Variants in ANKRD2 observed in about 807,000 individuals in gnomAD.
ANKRD2 encodes the protein ankyrin repeat domain-containing protein 2.
Under a neutral mutation model 37.3 loss-of-function variants are expected in ANKRD2, and 35 were observed. The observed-to-expected ratio is 0.94, with a 90% confidence interval of 0.72 to 1.24. ANKRD2 has a LOEUF of 1.24. Among genes scored for constraint, ANKRD2 ranks in the 50% most tolerant of loss-of-function variants. The pLI, the probability that ANKRD2 is intolerant of heterozygous loss-of-function variation, is 0.00. For synonymous variants in ANKRD2, 159 were observed against 186.5 expected (o/e 0.85, Z 1.20); for missense variants, 410 against 445.6 (o/e 0.92, Z 0.72).
chr10:97,581,432 A>T lies in ANKRD2; in HGVS notation c.654+18A>T. ...GGGATAAGGTGAGGCAAAAACACTC[A>T]GAAGCAACAGATATTGGGGTGGCTG... On this transcript the variant is annotated intron_variant, in intron 6 of 8. Transcript: ENST00000370655. The T allele has an allele frequency of 6.2e-7, 1 of 1,612,790 alleles. No individual in the cohort carries two copies. Among genetic ancestry groups the T allele is most frequent in the Non-Finnish European group, 8.5e-7 (1 of 1,178,888 alleles).
At chr10:97,583,129 G>T (rs2040924221) in intron 8 of ANKRD2, among the ~76,000 whole-genome samples, 1 of 152,168 alleles carries the variant, frequency 6.6e-6, no homozygotes, top group African/African-American at 2.4e-5. Flanking sequence ...GGAAGGGGAA[G>T]GTGCCCAGGG....
intron 4 of ANKRD2, among the ~76,000 whole-genome samples, chr10:97,579,083 G>A (rs2040865004): frequency 6.6e-6 from 1 of 152,102 alleles, no homozygotes; most frequent in Non-Finnish European, 1.5e-5. Flanking sequence ...TTAGGTCAAG[G>A]TGGGAGGAGC....
chr10:97,579,640 T>G (rs969543932), intron 4 of ANKRD2, among the ~76,000 whole-genome samples: 1 of 151,874 alleles, frequency 6.6e-6, no homozygotes, highest in Non-Finnish European at 1.5e-5. Flanking sequence ...CAGGCTGGAG[T>G]GCAGCGGTGC....
chr10:97,583,349 C>T (rs1564752554), intron 8 of ANKRD2, among the ~76,000 whole-genome samples: 1 of 152,112 alleles, frequency 6.6e-6, no homozygotes, highest in Non-Finnish European at 1.5e-5. Flanking sequence ...TGTAGGGGAC[C>T]ATCCTATGCC....
intron 4 of ANKRD2, among the ~76,000 whole-genome samples, chr10:97,580,318 GT>G (rs535989522): frequency 2.3e-3 from 354 of 152,300 alleles, no homozygotes; most frequent in Middle Eastern, 0.02. Context: ...TGGCTTGAGC[GT>G]TTCAAAAGTC....
chr10:97,582,150 G>A (rs2040905863), intron 6 of ANKRD2, among the ~76,000 whole-genome samples, 165 bp from the exon 7 acceptor site: 1 of 152,196 alleles, frequency 6.6e-6, no homozygotes, highest in Non-Finnish European at 1.5e-5. Flanking sequence ...TAGGCCATTG[G>A]ATAGGATGGT....
chr10:97,583,441 T>C, intron 8 of ANKRD2, 135 bp from the exon 9 acceptor site: 1 of 869,504 alleles, frequency 1.2e-6, no homozygotes, highest in South Asian at 1.8e-5. Context: ...CAACCAAAAG[T>C]ATCTTCACAC....
At chr10:97,580,704 G>A in intron 4 of ANKRD2, 151 bp from the exon 5 acceptor site, 1 of 629,344 alleles carries the variant, frequency 1.6e-6, no homozygotes, top group Non-Finnish European at 2.8e-6. Flanking sequence ...TCTGGATAGA[G>A]CATAAGGGAG....
rs749236620 is a variant in ANKRD2 at position 97,583,741 on chromosome 10, C to A, written c.*16C>A. The A allele has an allele frequency of 4.7e-6, 7 of 1,496,508 alleles. No homozygotes were observed. The Admixed American group carries it at 1.1e-4, about 24-fold the overall frequency. 92.7% of individuals were successfully genotyped at this position (1,496,508 alleles called of 1,614,324 possible). A position where few individuals can be genotyped will look rare whatever the true frequency, so the allele number is the denominator to read the frequency against. On this transcript the variant is annotated 3_prime_UTR_variant, in exon 9 of 9. Transcript: ENST00000370655. ...AGCCCAGTGAATGCGTGCCCCAGCC[C>A]AGCCAGCTACCCAGCCCCTCTCTGT...
chr10:97,572,621 TGGC>T (rs17107819), upstream of ANKRD2: 34,564 of 1,472,248 alleles, frequency 0.023, 3,518 homozygotes, highest in African/African-American at 0.3. Flanking sequence ...CTCTGCTCCC[TGGC>T]CCTGGCTCCC....
chr10:97,579,140 C>G (rs1330935501), intron 4 of ANKRD2, among the ~76,000 whole-genome samples: 2 of 151,908 alleles, frequency 1.3e-5, no homozygotes, highest in East Asian at 3.8e-4. Context: ...AGAGTGAGAC[C>G]CTGTCTCTAT....
chr10:97,577,643 C>G (rs967083158), intron 1 of ANKRD2, among the ~76,000 whole-genome samples, 157 bp from the exon 2 acceptor site: 1 of 152,152 alleles, frequency 6.6e-6, no homozygotes, highest in Non-Finnish European at 1.5e-5. Context: ...GGGGGCCCCT[C>G]CAGGGGCCCT....
In ANKRD2 at chr10:97,580,848, G is replaced by C. The variant is rs374024705; in HGVS notation, c.457-7G>C. The C allele has an allele frequency of 5.6e-6, 9 of 1,607,950 alleles. No individual in the cohort carries two copies. In the South Asian group the frequency reaches 8.9e-5, roughly 16 times the overall value. ...AGGCCAGGCCCTGACAGCCTCTCTG[G>C]GGACAGTTCCGTCGGACAGCACTGC... is the stretch of plus-strand genomic sequence containing the variant. On this transcript the variant is annotated splice_region_variant and splice_polypyrimidine_tract_variant and intron_variant, in intron 4 of 8. Coordinates refer to ENST00000370655, the MANE Select transcript of ANKRD2 (RefSeq NM_001346793.2).
chr10:97,580,133 C>G (rs914384898), intron 4 of ANKRD2, among the ~76,000 whole-genome samples: 1 of 152,078 alleles, frequency 6.6e-6, no homozygotes, highest in East Asian at 1.9e-4. Context: ...CTCCTACTTC[C>G]GAGCACCATG....
intron 4 of ANKRD2, among the ~76,000 whole-genome samples, chr10:97,579,167 A>G (rs889634558): frequency 6.6e-6 from 1 of 151,670 alleles, no homozygotes; most frequent in African/African-American, 2.4e-5. Flanking sequence ...ATAGATAAAG[A>G]TATAGATTTT....
intron 1 of ANKRD2, among the ~76,000 whole-genome samples, chr10:97,574,393 G>A (rs2040798168): frequency 6.6e-6 from 1 of 152,168 alleles, no homozygotes; most frequent in Admixed American, 6.5e-5. Flanking sequence ...CTCAGGAAAT[G>A]CAGGAGCTGA....
At chr10:97,578,161 C>CCCCA in intron 2 of ANKRD2, 79 bp from the exon 3 acceptor site, 2 of 1,338,002 alleles carry the variant, frequency 1.5e-6, no homozygotes, top group East Asian at 2.4e-5. Context: ...CCACCCTCCC[C>CCCCA]ACCAGCTTAG....
chr10:97,579,368 G>A (rs527605152), intron 4 of ANKRD2, among the ~76,000 whole-genome samples: 2 of 149,024 alleles, frequency 1.3e-5, no homozygotes, highest in African/African-American at 2.5e-5. Context: ...GTGCAGTGGC[G>A]CAATCTCAGC....
chr10:97,572,628 G>A, upstream of ANKRD2: 1 of 1,489,644 alleles, frequency 6.7e-7, no homozygotes, highest in East Asian at 2.5e-5. Context: ...CCCTGGCCCT[G>A]GCTCCCCCTG....
Sources: allele counts gnomAD v4.1 joint callset (sites outside exome capture counted in the v4.1 genomes callset), GRCh38; gene constraint gnomAD v4.1.1; transcripts MANE v1.5; gene names NCBI Gene and HGNC (gene_info 2026-07-23, HGNC 2026-07-21).